DIAPH2: variants seen among roughly 807,000 people sequenced by gnomAD.
DIAPH2 encodes the protein protein diaphanous homolog 2.
Under a neutral mutation model 92.7 loss-of-function variants are expected in DIAPH2, and 35 were observed. That is an observed-to-expected ratio of 0.38 (90% CI 0.29 to 0.50). The LOEUF (loss-of-function observed/expected upper bound fraction) is 0.50, where lower values mean the gene tolerates loss of function less well. DIAPH2 is among the 20% of genes least tolerant of loss of function. DIAPH2 has a pLI of 0.94. For synonymous variants in DIAPH2, 301 were observed against 280.4 expected, an observed-to-expected ratio of 1.07 and a Z score of -0.73; for missense variants, 701 against 819.5, an observed-to-expected ratio of 0.86 and a Z score of 1.77.
intron 22 of DIAPH2, among the ~76,000 whole-genome samples, chrX:97,192,293 C>CA (rs773665704): frequency 0.033 from 1,056 of 31,821 alleles, 24 homozygotes; most frequent in Non-Finnish European, 0.044. Flanking sequence ...GACTCCGTCT[C>CA]AAAAAAAAAA....
At chrX:97,385,358 G>A (rs951299716) in intron 25 of DIAPH2, among the ~76,000 whole-genome samples, 10 of 109,932 alleles carry the variant, frequency 9.1e-5, no homozygotes, top group Admixed American at 4.9e-4. Flanking sequence ...TCAGCCTCCC[G>A]AGTAGCTGGG....
intron 23 of DIAPH2, among the ~76,000 whole-genome samples, chrX:97,290,947 G>C (rs927725777): frequency 9.2e-6 from 1 of 108,715 alleles, no homozygotes; most frequent in Non-Finnish European, 1.9e-5. Context: ...AGCCAGGAGT[G>C]GTGGCAGGTG....
At chrX:97,110,516 G>A (rs1333431803) in intron 20 of DIAPH2, among the ~76,000 whole-genome samples, 1 of 111,644 alleles carries the variant, frequency 9.0e-6, no homozygotes, top group Non-Finnish European at 1.9e-5. Flanking sequence ...ATAAAATTAT[G>A]AGTTTCTATA....
In DIAPH2 at chrX:97,009,918, A is replaced by G. The variant is rs780583635; in HGVS notation, c.2050+44711A>G. On this transcript the variant is annotated intron_variant, in intron 17 of 26. Transcript: ENST00000324765. ...TGGGTGGTGGTGGGGGGCTGACACA[A>G]GCACTCCCTTGGCTGACCCTAATGG... is the stretch of plus-strand genomic sequence containing the variant. Among the ~76,000 whole-genome samples the G allele has an allele frequency of 1.2e-3, 135 of 111,609 alleles. 1 individual carries two copies. The highest frequency in any genetic ancestry group is 4.1e-3 in the African/African-American group (127 of 30,688).
At chrX:97,429,796 C>A in intron 26 of DIAPH2, 51 bp downstream of exon 26, 1 of 1,029,779 alleles carries the variant, frequency 9.7e-7, no homozygotes, top group Non-Finnish European at 1.3e-6. Flanking sequence ...ATGTTCAGAG[C>A]AAAGTAGCAA....
intron 3 of DIAPH2, among the ~76,000 whole-genome samples, chrX:96,739,273 C>T (rs753934916): frequency 9.0e-6 from 1 of 111,667 alleles, no homozygotes; most frequent in African/African-American, 3.3e-5. Flanking sequence ...TAGCTTGTGG[C>T]CTAAATCACT....
intron 9 of DIAPH2, among the ~76,000 whole-genome samples, chrX:96,928,469 A>C (rs2065598279): frequency 1.8e-5 from 2 of 111,327 alleles, no homozygotes; most frequent in African/African-American, 3.2e-5. Context: ...CAATTATTTC[A>C]GTTTTGAATT....
At chrX:97,424,411 G>A (rs749609574) in intron 25 of DIAPH2, among the ~76,000 whole-genome samples, 5 of 111,144 alleles carry the variant, frequency 4.5e-5, no homozygotes, top group Non-Finnish European at 9.4e-5. Flanking sequence ...CCAAAGGACC[G>A]CGGTACATAA....
At chrX:97,495,936 T>C (rs2070754669) in intron 26 of DIAPH2, among the ~76,000 whole-genome samples, 1 of 110,737 alleles carries the variant, frequency 9.0e-6, no homozygotes, top group African/African-American at 3.3e-5. Context: ...CCCCAAAATG[T>C]AAATAAATTA....
intron 4 of DIAPH2, among the ~76,000 whole-genome samples, chrX:96,822,268 C>A: frequency 9.0e-6 from 1 of 111,677 alleles, no homozygotes; most frequent in East Asian, 2.8e-4. Context: ...ATTATTATGG[C>A]ATGATACAGT....
chrX:97,078,866 G>A (rs765773222), intron 19 of DIAPH2, among the ~76,000 whole-genome samples: 32 of 111,129 alleles, frequency 2.9e-4, no homozygotes, highest in African/African-American at 6.2e-4. Flanking sequence ...GCTAGGATAG[G>A]AGAATGGTGG....
intron 26 of DIAPH2, among the ~76,000 whole-genome samples, chrX:97,451,276 A>T (rs2070356157): frequency 8.9e-6 from 1 of 111,838 alleles, no homozygotes; most frequent in Non-Finnish European, 1.9e-5. Context: ...TCTAGGAGAA[A>T]TTTAAATTTT....
intron 26 of DIAPH2, among the ~76,000 whole-genome samples, chrX:97,519,972 A>C (rs2070979737): frequency 9.0e-6 from 1 of 111,071 alleles, no homozygotes; most frequent in Non-Finnish European, 1.9e-5. Flanking sequence ...CGGCCTCCCA[A>C]AGTGCTGGGA....
chrX:97,457,468 G>A (rs1054974687), intron 26 of DIAPH2, among the ~76,000 whole-genome samples: 34 of 112,441 alleles, frequency 3.0e-4, no homozygotes, highest in African/African-American at 1.0e-3. Flanking sequence ...CCTTTAAAAC[G>A]TAGAAGCTTA....
At chrX:97,366,938 AGAGTATCCAT>A (rs2069386529) in intron 24 of DIAPH2, among the ~76,000 whole-genome samples, 1 of 112,065 alleles carries the variant, frequency 8.9e-6, no homozygotes, top group Non-Finnish European at 1.9e-5. Context: ...TCATTGTACT[AGAGTATCCAT>A]GAGTCAAAAG....
At chrX:97,504,435 A>G (rs988035418) in intron 26 of DIAPH2, among the ~76,000 whole-genome samples, 2 of 112,722 alleles carry the variant, frequency 1.8e-5, no homozygotes, top group Non-Finnish European at 3.7e-5. Context: ...TTAAAAGTAT[A>G]TATTATGTAA....
At chrX:97,132,303 G>C (rs1371957386) in intron 21 of DIAPH2, among the ~76,000 whole-genome samples, 1 of 111,593 alleles carries the variant, frequency 9.0e-6, no homozygotes, top group Non-Finnish European at 1.9e-5. Flanking sequence ...TCTTTCCACC[G>C]TAAATTACAT....
chrX:97,411,137 G>A (rs1246847283), intron 25 of DIAPH2, among the ~76,000 whole-genome samples: 1 of 111,575 alleles, frequency 9.0e-6, no homozygotes, highest in African/African-American at 3.3e-5. Flanking sequence ...AGGAAAAAAT[G>A]CTAAGGGCAG....
At chrX:97,056,347 T>C (rs2066556926) in intron 17 of DIAPH2, among the ~76,000 whole-genome samples, 1 of 111,877 alleles carries the variant, frequency 8.9e-6, no homozygotes, top group Non-Finnish European at 1.9e-5. Context: ...GGCTAGGTTT[T>C]ATATTAACCT....
Sources: gnomAD v4.1 joint callset for allele counts (sites outside exome capture counted in the v4.1 genomes callset) on GRCh38, gnomAD v4.1.1 for gene constraint, MANE v1.5 for transcripts, NCBI Gene and HGNC (gene_info 2026-07-23, HGNC 2026-07-21) for gene names.